ITPK1: variants seen among roughly 807,000 people sequenced by gnomAD.
ITPK1 encodes the protein inositol-tetrakisphosphate 1-kinase.
Under a neutral mutation model 45.3 loss-of-function variants are expected in ITPK1, and 21 were observed. The observed-to-expected ratio is 0.46, with a 90% CI of 0.33 to 0.67. The LOEUF is 0.67. Among genes scored for constraint, ITPK1 ranks in the 30% least tolerant of loss-of-function variants. The pLI, the probability that ITPK1 is intolerant of heterozygous loss-of-function variation, is 0.02. For missense variants in ITPK1, 474 were observed against 573.5 expected, an observed-to-expected ratio of 0.83 and a Z score of 1.77; for synonymous variants, 258 against 253.6, an observed-to-expected ratio of 1.02 and a Z score of -0.16.
rs570865853 is a variant in ITPK1 at position 92,982,711 on chromosome 14, G to C, written c.364+11169C>G. 8.4e-4 allele frequency among the ~76,000 whole-genome samples: 128 copies of C among 152,332 alleles called. 2 individuals are homozygous for C. Among genetic ancestry groups the C allele is most frequent in the Non-Finnish European group, 1.1e-3 (74 of 68,038 alleles). On this transcript the variant is annotated intron_variant, in intron 5 of 10. Transcript: ENST00000267615. ...GAAGCCACTCAATCTGCTGTCATCT[G>C]TCATGCAGCAATAGGAAATTAACAC...
chr14:92,976,826 G>C (rs1885966946), intron 5 of ITPK1, among the ~76,000 whole-genome samples: 1 of 152,226 alleles, frequency 6.6e-6, no homozygotes, highest in African/African-American at 2.4e-5. Context: ...TGACTGCTGG[G>C]CAAACCACTG....
At chr14:93,031,066 G>A (rs748680554) in intron 3 of ITPK1, among the ~76,000 whole-genome samples, 7 of 152,126 alleles carry the variant, frequency 4.6e-5, no homozygotes, top group East Asian at 1.9e-4. Context: ...TCTCACCTCC[G>A]GAACTGGGAG....
intron 5 of ITPK1, among the ~76,000 whole-genome samples, chr14:92,984,221 C>T (rs1198216252): frequency 1.3e-5 from 2 of 152,188 alleles, no homozygotes; most frequent in African/African-American, 4.8e-5. Flanking sequence ...GAGGGCCCCA[C>T]ACACTAATAC....
At chr14:92,987,801 C>T (rs1309791618) in intron 5 of ITPK1, among the ~76,000 whole-genome samples, 1 of 152,212 alleles carries the variant, frequency 6.6e-6, no homozygotes, top group Non-Finnish European at 1.5e-5. Flanking sequence ...TCCACATGCT[C>T]TGGGGCACCA....
chr14:93,104,791 C>A (rs543127300), intron 2 of ITPK1, among the ~76,000 whole-genome samples: 1 of 152,218 alleles, frequency 6.6e-6, no homozygotes, highest in Non-Finnish European at 1.5e-5. Flanking sequence ...GAGGAAGCAA[C>A]ACAGCCCTGC....
rs963918740 is a variant in ITPK1 at position 93,063,910 on chromosome 14, T to A, written c.120+12685A>T. On this transcript the variant is annotated intron_variant, in intron 3 of 10. Transcript: ENST00000267615. This position sits in a 1 kb window ranked among gnomAD's most constrained non-coding sequence, Gnocchi z 4.3. Reference sequence around the variant, plus strand: ...CCCAGACGCCAAACGCACTTTGGAATTTTTACATGCGCATTCTAGAACTCT... The same window carrying A: ...CCCAGACGCCAAACGCACTTTGGAAATTTTACATGCGCATTCTAGAACTCT... Among the ~76,000 whole-genome samples, 2 of 152,156 alleles carry A rather than the reference T, an allele frequency of 1.3e-5. No homozygotes were observed. The highest frequency in any genetic ancestry group is 2.4e-5 in the African/African-American group (1 of 41,418).
At chr14:93,028,481 G>T (rs564931349) in intron 3 of ITPK1, among the ~76,000 whole-genome samples, 1 of 152,236 alleles carries the variant, frequency 6.6e-6, no homozygotes, top group African/African-American at 2.4e-5. Context: ...TCAAGTCCCA[G>T]ATACTGGAAG....
chr14:92,980,425 G>T (rs962607881), intron 5 of ITPK1, among the ~76,000 whole-genome samples: 2 of 152,130 alleles, frequency 1.3e-5, no homozygotes, highest in Non-Finnish European at 2.9e-5. Context: ...AGGTGGAGGG[G>T]GCCTGTACCA....
chr14:92,963,727 G>A (rs1393427613), intron 5 of ITPK1, among the ~76,000 whole-genome samples: 1 of 152,248 alleles, frequency 6.6e-6, no homozygotes, highest in South Asian at 2.1e-4. Flanking sequence ...GCCTGGCACC[G>A]AGCAGGGGTA....
At chr14:93,024,677 C>T (rs1294039275) in intron 3 of ITPK1, among the ~76,000 whole-genome samples, 1 of 152,220 alleles carries the variant, frequency 6.6e-6, no homozygotes, top group African/African-American at 2.4e-5. Context: ...AAATGACAGA[C>T]CTAATCTCCT....
At chr14:92,967,988 C>A (rs1885464708) in intron 5 of ITPK1, among the ~76,000 whole-genome samples, 1 of 152,144 alleles carries the variant, frequency 6.6e-6, no homozygotes. Flanking sequence ...GATGACCGCA[C>A]AATTTTGTGA....
intron 4 of ITPK1, among the ~76,000 whole-genome samples, chr14:93,011,305 T>C (rs552132008): frequency 6.6e-6 from 1 of 152,344 alleles, no homozygotes; most frequent in South Asian, 2.1e-4. Context: ...GGGAGCTGTC[T>C]ATCCCTGTGG....
rs532379207 is a variant in ITPK1, at chr14:92,991,852, G to A, written c.364+2028C>T. On this transcript the variant is annotated intron_variant, in intron 5 of 10. Coordinates refer to ENST00000267615, the MANE Select transcript of ITPK1 (RefSeq NM_014216.6). ...ATTAGGATGCTGGGGTCCTGCCATC[G>A]TGGTGGGAACAGCTGGAGCAGCTGC... Among the ~76,000 whole-genome samples, 12 of 152,290 alleles carry A rather than the reference G, an allele frequency of 7.9e-5. No homozygotes were observed. In the East Asian group the frequency reaches 9.6e-4, roughly 12 times the overall value.
intron 2 of ITPK1, among the ~76,000 whole-genome samples, chr14:93,104,100 T>A (rs1892430295): frequency 6.6e-6 from 1 of 152,092 alleles, no homozygotes; most frequent in African/African-American, 2.4e-5. Flanking sequence ...GGGCAGAGGC[T>A]CAGGACAAGT....
chr14:93,029,011 G>A (rs1222608029), intron 3 of ITPK1, among the ~76,000 whole-genome samples: 2 of 152,190 alleles, frequency 1.3e-5, no homozygotes, highest in Non-Finnish European at 2.9e-5. Context: ...TGGCCCCTGT[G>A]TGGCCTGGCA....
intron 3 of ITPK1, among the ~76,000 whole-genome samples, chr14:93,031,281 C>G (rs1566745435): frequency 6.6e-6 from 1 of 151,710 alleles, no homozygotes; most frequent in East Asian, 1.9e-4. Context: ...GGACGGGGGA[C>G]AAAGAGGTGG....
chr14:93,076,447 C>T lies in ITPK1; in HGVS notation c.120+148G>A, dbSNP rs1341781993. 20 of 889,988 alleles carry T rather than the reference C, an allele frequency of 2.2e-5. No homozygotes were observed. The highest frequency in any genetic ancestry group is 1.9e-4 in the Admixed American group (8 of 41,562). 55.1% of individuals were successfully genotyped at this position (889,988 alleles called of 1,614,324 possible). A position where few individuals can be genotyped will look rare whatever the true frequency, so the allele number is the denominator to read the frequency against. On this transcript the variant is annotated intron_variant, in intron 3 of 10. Coordinates refer to ENST00000267615, the MANE Select transcript of ITPK1 (RefSeq NM_014216.6). This position sits in a 1 kb window ranked among gnomAD's most constrained non-coding sequence, Gnocchi z 4.3. ...TCTGCCCAGGCCAGGGCAGAAACCA[C>T]ATCAAATCCACAGGGGAGCTAAAAA...
intron 8 of ITPK1, among the ~76,000 whole-genome samples, chr14:92,955,160 C>G (rs1246049288): frequency 1.3e-5 from 2 of 152,264 alleles, no homozygotes; most frequent in Non-Finnish European, 2.9e-5. Context: ...GCCCGGCCAC[C>G]TGCACTTGTA....
chr14:92,949,365 G>T (rs905764738), intron 9 of ITPK1, among the ~76,000 whole-genome samples: 2 of 152,234 alleles, frequency 1.3e-5, no homozygotes, highest in Non-Finnish European at 2.9e-5. Flanking sequence ...CTCCCAAAGT[G>T]TTGGGATTAA....
Sources: gnomAD v4.1 joint callset for allele counts (sites outside exome capture counted in the v4.1 genomes callset) on GRCh38, gnomAD v4.1.1 for gene constraint, Gnocchi (gnomAD v3.1) non-coding constraint, MANE v1.5 for transcripts, NCBI Gene and HGNC (gene_info 2026-07-23, HGNC 2026-07-21) for gene names.